AFG2A: variants seen among roughly 807,000 people sequenced by gnomAD.
AFG2A encodes the protein ATPase family gene 2 protein homolog A.
chr4:122,980,483 G>A, the AFG2A span, among the ~76,000 whole-genome samples: 5 of 152,088 alleles, frequency 3.3e-5, no homozygotes, highest in Admixed American at 1.3e-4. Context: ...TGCAGATATC[G>A]CTTTGAGATA....
chr4:123,154,312 A>G, the AFG2A span, among the ~76,000 whole-genome samples: 1 of 152,154 alleles, frequency 6.6e-6, no homozygotes, highest in Non-Finnish European at 1.5e-5. Context: ...AATATTCATC[A>G]AAGTATATAC....
the AFG2A span, among the ~76,000 whole-genome samples, chr4:122,976,994 G>A: frequency 1.3e-5 from 2 of 152,018 alleles, no homozygotes; most frequent in African/African-American, 4.8e-5. Context: ...TAAGTGCTTG[G>A]ATTTTTACAT....
chr4:123,103,745 A>C, the AFG2A span, among the ~76,000 whole-genome samples: 1 of 152,298 alleles, frequency 6.6e-6, no homozygotes, highest in South Asian at 2.1e-4. Flanking sequence ...TAAACAACCC[A>C]AATGTCTACC....
At chr4:123,165,126 T>C in the AFG2A span, among the ~76,000 whole-genome samples, 1 of 152,170 alleles carries the variant, frequency 6.6e-6, no homozygotes, top group African/African-American at 2.4e-5. Flanking sequence ...TAAAAATGAC[T>C]GAAAATATTA....
the AFG2A span, among the ~76,000 whole-genome samples, chr4:123,097,574 A>T: frequency 6.6e-6 from 1 of 152,122 alleles, no homozygotes; most frequent in Non-Finnish European, 1.5e-5. Context: ...CCATCTTTAC[A>T]CAAGACTCTC....
At chr4:123,217,437 T>C in the AFG2A span, among the ~76,000 whole-genome samples, 1 of 152,258 alleles carries the variant, frequency 6.6e-6, no homozygotes, top group East Asian at 1.9e-4. Flanking sequence ...TCTTTAGTTT[T>C]ATTGTCATTA....
the AFG2A span, among the ~76,000 whole-genome samples, chr4:123,309,404 C>G: frequency 6.6e-6 from 1 of 152,156 alleles, no homozygotes; most frequent in African/African-American, 2.4e-5. Context: ...CATCAGGCTT[C>G]TTTTATAGGG....
chr4:123,047,040 T>C, the AFG2A span, among the ~76,000 whole-genome samples: 1 of 152,170 alleles, frequency 6.6e-6, no homozygotes, highest in Non-Finnish European at 1.5e-5. Flanking sequence ...CTGTTGTAAA[T>C]AGTGCTACAA....
At chr4:123,085,852 GT>G in the AFG2A span, among the ~76,000 whole-genome samples, 1 of 151,488 alleles carries the variant, frequency 6.6e-6, no homozygotes, top group African/African-American at 2.4e-5. Flanking sequence ...AGACTGTTAA[GT>G]TTTTTGGGTT....
At chr4:122,988,401 C>CTTTTTTTTTTTTTT in the AFG2A span, among the ~76,000 whole-genome samples, 1 of 123,066 alleles carries the variant, frequency 8.1e-6, no homozygotes, top group Non-Finnish European at 1.8e-5. Flanking sequence ...GTCATTCTTT[C>CTTTTTTTTTTTTTT]TTTTTTTTTT....
chr4:123,314,887 C>T, the AFG2A span: 1 of 151,632 alleles, frequency 6.6e-6, no homozygotes, highest in African/African-American at 2.4e-5. Flanking sequence ...TCCTGAGTAG[C>T]TGGGACTACA....
the AFG2A span, among the ~76,000 whole-genome samples, chr4:123,271,572 G>A: frequency 2.6e-5 from 4 of 152,128 alleles, no homozygotes; most frequent in Admixed American, 6.6e-5. Flanking sequence ...TGGCTTGTTC[G>A]GTGATTCTGC....
At chr4:123,237,473 G>A in the AFG2A span, among the ~76,000 whole-genome samples, 1 of 152,022 alleles carries the variant, frequency 6.6e-6, no homozygotes, top group Admixed American at 6.6e-5. Flanking sequence ...AGGAGTTCAA[G>A]ACCAGCCTGG....
At chr4:123,206,031 T>C in the AFG2A span, among the ~76,000 whole-genome samples, 1 of 152,128 alleles carries the variant, frequency 6.6e-6, no homozygotes, top group African/African-American at 2.4e-5. Context: ...TTTAAAGTAA[T>C]AAATTATAAT....
chr4:123,135,354 A>AGATGC, the AFG2A span, among the ~76,000 whole-genome samples: 4 of 152,354 alleles, frequency 2.6e-5, no homozygotes, highest in South Asian at 6.2e-4. Context: ...GAACAATACA[A>AGATGC]GATGCTTACC....
chr4:123,301,168 G>A, the AFG2A span, among the ~76,000 whole-genome samples: 1 of 151,940 alleles, frequency 6.6e-6, no homozygotes, highest in Non-Finnish European at 1.5e-5. Flanking sequence ...TGTATACATG[G>A]GTGTATGTTT....
the AFG2A span, among the ~76,000 whole-genome samples, chr4:123,154,327 C>T: frequency 6.6e-6 from 1 of 151,654 alleles, no homozygotes; most frequent in African/African-American, 2.4e-5. Flanking sequence ...ATATACATGA[C>T]AATATTGCCA....
chr4:123,217,199 A>G, the AFG2A span, among the ~76,000 whole-genome samples: 12 of 152,102 alleles, frequency 7.9e-5, no homozygotes, highest in Non-Finnish European at 1.0e-4. Flanking sequence ...CTTCCTCCCC[A>G]TTTATGAATC....
the AFG2A span, among the ~76,000 whole-genome samples, chr4:122,944,043 A>G: frequency 6.6e-6 from 1 of 152,128 alleles, no homozygotes; most frequent in African/African-American, 2.4e-5. Flanking sequence ...GGGTAACCTG[A>G]CCTTTCTCTC....
Sources: allele counts gnomAD v4.1 joint callset (sites outside exome capture counted in the v4.1 genomes callset), GRCh38; gene constraint gnomAD v4.1.1; transcripts MANE v1.5; gene names NCBI Gene and HGNC (gene_info 2026-07-23, HGNC 2026-07-21).